HIF1A: variants seen among roughly 807,000 people sequenced by gnomAD.
HIF1A encodes hypoxia-inducible factor 1-alpha.
Under a neutral mutation model 92.7 loss-of-function variants are expected in HIF1A, and 24 were observed. The observed-to-expected ratio is 0.26, with a 90% CI of 0.19 to 0.36. HIF1A has a LOEUF of 0.36. Ranked by LOEUF, HIF1A falls within the 10% of genes least tolerant of loss-of-function variation. The pLI, the probability that HIF1A is intolerant of heterozygous loss-of-function variation, is 1.00. For synonymous variants in HIF1A, 319 were observed against 338.7 expected (o/e 0.94, Z 0.64); for missense variants, 799 against 998.5 (o/e 0.80, Z 2.69).
chr14:61,746,248 C>G (rs1324361013), intron 14 of HIF1A, among the ~76,000 whole-genome samples: 1 of 142,808 alleles, frequency 7.0e-6, no homozygotes, highest in Non-Finnish European at 1.5e-5. Context: ...AAAAAAAGTA[C>G]AGTTGTATTT....
chr14:61,704,160 G>A lies in HIF1A; in HGVS notation c.35+8321G>A, dbSNP rs1047276884. The stretch of plus-strand genomic sequence containing the variant: ...CAGAACAGCTCTTGGCACAAAGTAA[G>A]GGCTTAATTAAGTAGAAACTATCCA... On this transcript the variant is annotated intron_variant, in intron 1 of 14. Coordinates refer to ENST00000337138, the MANE Select transcript of HIF1A (RefSeq NM_001530.4). 1.8e-4 allele frequency among the ~76,000 whole-genome samples: 28 copies of A among 152,266 alleles called. No individual in the cohort carries two copies. In the Middle Eastern group the frequency reaches 0.014, roughly 74 times the overall value.
chr14:61,734,391 T>G, intron 8 of HIF1A, 106 bp downstream of exon 8: 1 of 760,566 alleles, frequency 1.3e-6, no homozygotes, highest in African/African-American at 1.8e-5. Flanking sequence ...AACTAAATTT[T>G]AATTCTTTTA....
rs72563748 is a variant in HIF1A, at chr14:61,699,781, T to C, written c.35+3942T>C. On this transcript the variant is annotated intron_variant, in intron 1 of 14. Coordinates refer to ENST00000337138, the MANE Select transcript of HIF1A (RefSeq NM_001530.4). ...CCAGTGTGTGTATGTGTTTTCTGCTTAACTCTGGAAGGTTAGAAAGAGAAT... is the reference window on the plus strand; with the variant it reads ...CCAGTGTGTGTATGTGTTTTCTGCTCAACTCTGGAAGGTTAGAAAGAGAAT... 3.2e-3 allele frequency among the ~76,000 whole-genome samples: 490 copies of C among 152,320 alleles called. 5 individuals carry two copies. Among genetic ancestry groups the C allele is most frequent in the African/African-American group, 0.011 (460 of 41,572 alleles).
chr14:61,696,477 T>G (rs1001602731), intron 1 of HIF1A, among the ~76,000 whole-genome samples: 3 of 152,236 alleles, frequency 2.0e-5, no homozygotes, highest in Non-Finnish European at 2.9e-5. Flanking sequence ...TGCGAACTTT[T>G]TAGTTTGCAC....
At chr14:61,727,730 G>A in intron 6 of HIF1A, 75 bp downstream of exon 6, 3 of 1,129,178 alleles carry the variant, frequency 2.7e-6, no homozygotes, top group Non-Finnish European at 4.0e-6. Context: ...CCATAGCAAA[G>A]ATTCAGCGCT....
intron 1 of HIF1A, among the ~76,000 whole-genome samples, chr14:61,704,982 T>C (rs759220839): frequency 1.3e-5 from 2 of 152,194 alleles, no homozygotes; most frequent in Non-Finnish European, 2.9e-5. Context: ...AGTTTTGTTA[T>C]TTAATGTCAA....
chr14:61,736,551 TC>T (rs1409506131), intron 8 of HIF1A, among the ~76,000 whole-genome samples: 1 of 152,140 alleles, frequency 6.6e-6, no homozygotes, highest in Non-Finnish European at 1.5e-5. Flanking sequence ...AGTGTTTAGC[TC>T]CCACTTACAA....
chr14:61,742,885 CAA>C (rs766112676), intron 12 of HIF1A, among the ~76,000 whole-genome samples: 23 of 16,596 alleles, frequency 1.4e-3, no homozygotes, highest in Non-Finnish European at 4.5e-3. Context: ...AACTCGGTTT[CAA>C]AAAAAAAAAA....
At position 61,727,569 on chromosome 14, in the gene HIF1A, C is replaced by T. The variant is rs757769627; in HGVS notation, c.687C>T (p.His229=). The change falls in exon 6 of 15, where the codon CAC becomes CAT. Residue 229 remains histidine (H), a synonymous_variant. Coordinates refer to ENST00000337138, the MANE Select transcript of HIF1A (RefSeq NM_001530.4). ...CLVLICEPIP[H]PSNIEIPLDS... is the part of the protein sequence containing the mutation. Reference sequence around the variant, plus strand: ...TGCTGATTTGTGAACCCATTCCTCACCCATCAAATATTGAAATTCCTTTAG... The same window carrying T: ...TGCTGATTTGTGAACCCATTCCTCATCCATCAAATATTGAAATTCCTTTAG... 1.5e-5 allele frequency: 25 copies of T among 1,613,478 alleles called. No individual in the cohort carries two copies. The South Asian group carries it at 2.5e-4, about 16-fold the overall frequency.
chr14:61,706,228 C>T (rs956612043), intron 1 of HIF1A, among the ~76,000 whole-genome samples: 2 of 152,126 alleles, frequency 1.3e-5, no homozygotes, highest in African/African-American at 4.8e-5. Context: ...ATACACAGCT[C>T]TTAACCATGA....
chr14:61,738,017 ACT>A (rs1247392235), intron 9 of HIF1A, 68 bp from the exon 10 acceptor site: 2 of 1,299,810 alleles, frequency 1.5e-6, no homozygotes, highest in Admixed American at 2.4e-5. Context: ...ACAGAGCAAG[ACT>A]CTGTCTTGGG....
rs1314065298 is a variant in HIF1A at position 61,747,817 on chromosome 14, C to G, written c.*732C>G. The G allele has an allele frequency of 6.6e-6, 1 of 152,494 alleles. No homozygotes were observed. The highest frequency in any genetic ancestry group is 1.9e-4 in the East Asian group (1 of 5,194). 9.4% of individuals were successfully genotyped at this position (152,494 alleles called of 1,614,324 possible). ...AAAATTCTCAATTCAGAGAAATCAT[C>G]TGATGTTTCTATAGTCACTTTGCCA... On this transcript the variant is annotated 3_prime_UTR_variant, in exon 15 of 15. Coordinates refer to ENST00000337138, the MANE Select transcript of HIF1A (RefSeq NM_001530.4).
At chr14:61,733,464 C>T (rs568722436) in intron 7 of HIF1A, among the ~76,000 whole-genome samples, 45 of 152,210 alleles carry the variant, frequency 3.0e-4, no homozygotes, top group Admixed American at 2.8e-3. Flanking sequence ...GTTAAGATCC[C>T]CAAGATAAGT....
chr14:61,695,979 C>T, intron 1 of HIF1A, 140 bp downstream of exon 1: 1 of 749,732 alleles, frequency 1.3e-6, no homozygotes, highest in Non-Finnish European at 2.1e-6. Flanking sequence ...CCCCTCCCCT[C>T]TCTTCCCCCA....
intron 8 of HIF1A, 66 bp downstream of exon 8, chr14:61,734,351 C>T (rs2044611220): frequency 9.4e-7 from 1 of 1,063,772 alleles, no homozygotes; most frequent in Non-Finnish European, 1.4e-6. Context: ...ATACTCTGTT[C>T]ATTTATAGGA....
intron 1 of HIF1A, chr14:61,697,970 T>C: frequency 7.1e-7 from 1 of 1,399,904 alleles, no homozygotes; most frequent in African/African-American, 1.5e-5. Context: ...GTTATGATAC[T>C]GTAGATTTAA....
Position 61,740,871 on chromosome 14 carries a change from C to T in HIF1A, c.1776C>T (p.Ser592=), listed in dbSNP as rs778274966. 1.1e-5 allele frequency: 18 copies of T among 1,614,020 alleles called. No homozygotes were observed. The East Asian group carries it at 3.1e-4, about 28-fold the overall frequency. The change falls in exon 12 of 15, where the codon AGC becomes AGT. Residue 592 remains serine, a synonymous_variant. Transcript: ENST00000337138. ...AAAGCAGTTCCGCAAGCCCTGAAAG[C>T]GCAAGTCCTCAAAGCACAGTTACAG... ...PLESSSASPE[S]ASPQSTVTVF...
intron 2 of HIF1A, 67 bp from the exon 3 acceptor site, chr14:61,721,442 C>G: frequency 7.4e-7 from 1 of 1,354,654 alleles, no homozygotes; most frequent in East Asian, 2.3e-5. Flanking sequence ...GTAAAAACAT[C>G]TAAATATTAT....
chr14:61,742,629 T>C (rs1218001402), intron 12 of HIF1A, among the ~76,000 whole-genome samples: 3 of 152,120 alleles, frequency 2.0e-5, no homozygotes, highest in Non-Finnish European at 4.4e-5. Flanking sequence ...CTCATCACTG[T>C]AATCTCAGCA....
Sources: allele counts gnomAD v4.1 joint callset (sites outside exome capture counted in the v4.1 genomes callset), GRCh38; gene constraint gnomAD v4.1.1; transcripts MANE v1.5; gene names NCBI Gene and HGNC (gene_info 2026-07-23, HGNC 2026-07-21).